Variants in EPC2 observed in about 807,000 individuals in gnomAD.
EPC2 encodes the protein enhancer of polycomb homolog 2.
Under a neutral mutation model 92.1 loss-of-function variants are expected in EPC2, and 14 were observed. That is an observed-to-expected ratio of 0.15 (90% CI 0.10 to 0.24). The LOEUF (loss-of-function observed/expected upper bound fraction) is 0.24. Ranked by LOEUF, EPC2 falls within the 10% of genes least tolerant of loss-of-function variation. The pLI, the probability that EPC2 is intolerant of heterozygous loss-of-function variation, is 1.00. For synonymous variants in EPC2, 340 were observed against 334.7 expected (o/e 1.02, Z -0.17); for missense variants, 755 against 971.5 (o/e 0.78, Z 2.96).
Position 148,764,903 on chromosome 2 carries a change from C to G in EPC2, c.949-52C>G, listed in dbSNP as rs1683378344. ...AGAGCAGTATAGTTTTTCATGATTT[C>G]TAAAATGATTTTTATTTCTTCCTTT... On this transcript the variant is annotated intron_variant, in intron 6 of 13. Transcript: ENST00000258484. 11 of 1,300,856 alleles carry G rather than the reference C, an allele frequency of 8.5e-6. No homozygotes were observed. In the South Asian group the frequency reaches 2.3e-4, roughly 27 times the overall value. 80.6% of individuals were successfully genotyped at this position (1,300,856 alleles called of 1,614,324 possible).
At chr2:148,742,724 G>A (rs1421405674) in intron 2 of EPC2, among the ~76,000 whole-genome samples, 2 of 150,394 alleles carry the variant, frequency 1.3e-5, no homozygotes, top group Non-Finnish European at 3.0e-5. Context: ...AGAGATTGCA[G>A]TGAGCAAGAT....
intron 2 of EPC2, among the ~76,000 whole-genome samples, chr2:148,706,612 TCA>T (rs2105380921): frequency 6.6e-6 from 1 of 152,240 alleles, no homozygotes; most frequent in East Asian, 1.9e-4. Context: ...GTCGGGTTAC[TCA>T]CAAAGAGAAG....
intron 1 of EPC2, among the ~76,000 whole-genome samples, chr2:148,648,461 C>T (rs1030820707): frequency 3.9e-5 from 6 of 152,200 alleles, no homozygotes; most frequent in Non-Finnish European, 5.9e-5. Flanking sequence ...CTTTCAATAT[C>T]TAGATGTCCT....
intron 7 of EPC2, among the ~76,000 whole-genome samples, chr2:148,766,699 A>T (rs529608766): frequency 1.2e-4 from 19 of 152,248 alleles, no homozygotes; most frequent in Non-Finnish European, 2.2e-4. Flanking sequence ...GGAAGAGGGG[A>T]TGAAAGGCTT....
chr2:148,762,596 T>C, intron 5 of EPC2, 74 bp from the exon 6 acceptor site: 1 of 1,080,994 alleles, frequency 9.3e-7, no homozygotes, highest in African/African-American at 1.6e-5. Context: ...TCCAATTAAT[T>C]GAGGTATCAC....
At chr2:148,662,812 T>TGTA (rs1680966248) in intron 1 of EPC2, among the ~76,000 whole-genome samples, 1 of 151,104 alleles carries the variant, frequency 6.6e-6, no homozygotes, top group Admixed American at 6.6e-5. Context: ...AAACTTAAAA[T>TGTA]ATAATAATAA....
intron 2 of EPC2, among the ~76,000 whole-genome samples, chr2:148,725,092 A>G (rs1682467404): frequency 6.6e-6 from 1 of 152,118 alleles, no homozygotes. Flanking sequence ...TGGAATATAG[A>G]ATTCAATCTT....
At chr2:148,772,931 A>G (rs993170251) in intron 10 of EPC2, among the ~76,000 whole-genome samples, 1 of 152,216 alleles carries the variant, frequency 6.6e-6, no homozygotes. Context: ...AGTTTAAAAC[A>G]TATCATATAG....
chr2:148,693,909 C>T (rs896484199), intron 2 of EPC2, among the ~76,000 whole-genome samples: 4 of 152,158 alleles, frequency 2.6e-5, no homozygotes, highest in African/African-American at 7.2e-5. Context: ...TGCGTACTTT[C>T]GTTGTGGCAC....
At chr2:148,780,823 G>A (rs1390719766) in intron 10 of EPC2, among the ~76,000 whole-genome samples, 1 of 152,124 alleles carries the variant, frequency 6.6e-6, no homozygotes, top group Non-Finnish European at 1.5e-5. Context: ...GACTTCCATG[G>A]AAATGTCTTT....
At chr2:148,682,051 T>C (rs1310967254) in intron 1 of EPC2, among the ~76,000 whole-genome samples, 1 of 152,232 alleles carries the variant, frequency 6.6e-6, no homozygotes, top group East Asian at 1.9e-4. Context: ...GGAAATGAAC[T>C]CATCCTTTTT....
chr2:148,768,815 G>A (rs1197756047), intron 7 of EPC2, among the ~76,000 whole-genome samples: 1 of 151,998 alleles, frequency 6.6e-6, no homozygotes, highest in Non-Finnish European at 1.5e-5. Flanking sequence ...ATATTTAACT[G>A]TCATTAAATA....
At chr2:148,761,078 C>A (rs1683293888) in intron 4 of EPC2, among the ~76,000 whole-genome samples, 1 of 152,158 alleles carries the variant, frequency 6.6e-6, no homozygotes, top group Non-Finnish European at 1.5e-5. Flanking sequence ...CTACTAATTA[C>A]AACTGAGCCT....
At chr2:148,662,984 AT>A (rs1279772234) in intron 1 of EPC2, among the ~76,000 whole-genome samples, 1 of 151,674 alleles carries the variant, frequency 6.6e-6, no homozygotes, top group African/African-American at 2.4e-5. Flanking sequence ...ATTCAGTCTC[AT>A]TTTTAAATTT....
chr2:148,778,872 AAG>A (rs1425199949), intron 10 of EPC2, among the ~76,000 whole-genome samples: 1 of 152,200 alleles, frequency 6.6e-6, no homozygotes, highest in Non-Finnish European at 1.5e-5. Flanking sequence ...TGAGGGGGAA[AAG>A]AAAAAAATGA....
At chr2:148,730,420 A>C (rs16829201) in intron 2 of EPC2, among the ~76,000 whole-genome samples, 21,222 of 152,222 alleles carry the variant, frequency 0.14, 2,420 homozygotes, top group East Asian at 0.45. Flanking sequence ...CACAGTTACC[A>C]CAAGTAAAGT....
intron 2 of EPC2, among the ~76,000 whole-genome samples, chr2:148,737,346 T>C (rs1391773573): frequency 6.6e-6 from 1 of 152,134 alleles, no homozygotes; most frequent in Non-Finnish European, 1.5e-5. Flanking sequence ...AAGTCCTATC[T>C]ATAAAATTAA....
At chr2:148,749,916 A>G (rs1683056066) in intron 3 of EPC2, among the ~76,000 whole-genome samples, 1 of 152,124 alleles carries the variant, frequency 6.6e-6, no homozygotes, top group Non-Finnish European at 1.5e-5. Context: ...GTGTTGTCCT[A>G]TCCAGATTTG....
intron 2 of EPC2, among the ~76,000 whole-genome samples, chr2:148,721,868 G>A (rs1208837817): frequency 1.9e-5 from 1 of 51,880 alleles, no homozygotes; most frequent in African/African-American, 6.7e-5. Flanking sequence ...TTGTATCTTT[G>A]TTTCTTTTTC....
Sources: gnomAD v4.1 joint callset for allele counts (sites outside exome capture counted in the v4.1 genomes callset) on GRCh38, gnomAD v4.1.1 for gene constraint, MANE v1.5 for transcripts, NCBI Gene and HGNC (gene_info 2026-07-23, HGNC 2026-07-21) for gene names.